The following NHS variants were observed in gnomAD, a reference collection of about 807,000 sequenced individuals.
The protein encoded by NHS is NHS actin remodeling regulator.
Under a neutral mutation model 72.5 loss-of-function variants are expected in NHS, and 5 were observed. That is an observed-to-expected ratio of 0.07 (90% confidence interval 0.04 to 0.14). The LOEUF (loss-of-function observed/expected upper bound fraction) is 0.14. Among genes scored for constraint, NHS ranks in the 10% least tolerant of loss-of-function variants. NHS has a pLI of 1.00. For synonymous variants in NHS, 464 were observed against 547.7 expected, an observed-to-expected ratio of 0.85 and a Z score of 2.13; for missense variants, 1,072 against 1,355.7, an observed-to-expected ratio of 0.79 and a Z score of 3.29.
rs1329116509 is a variant in NHS at position 17,726,252 on chromosome X, A to G, written c.2146A>G (p.Ser716Gly). Residue 716 changes from serine (S) to glycine (G), a missense_variant, in exon 7 of 9, where the codon AGC becomes GGC. Transcript: ENST00000676302. ...VADLLDDPNN[S>G]NTSDSEWNYL... ...AGACCTGCTGGATGATCCCAACAAC[A>G]GCAACACAAGTGACAGTGAGTGGAA... The G allele has an allele frequency of 2.5e-6, 3 of 1,211,950 alleles. No individual in the cohort carries two copies. The South Asian group carries it at 5.3e-5, about 21-fold the overall frequency.
chrX:17,376,755 T>A (rs760148068), intron 1 of NHS, among the ~76,000 whole-genome samples: 33 of 112,406 alleles, frequency 2.9e-4, no homozygotes, highest in Non-Finnish European at 5.5e-4. Flanking sequence ...GCCCACACCA[T>A]GCATGTTCAG....
At chrX:17,718,021 TTAA>T (rs754447755) in intron 3 of NHS, among the ~76,000 whole-genome samples, 5 of 111,703 alleles carry the variant, frequency 4.5e-5, no homozygotes, top group Non-Finnish European at 9.4e-5. Flanking sequence ...GGTAAGTACA[TTAA>T]TAATAATAAT....
chrX:17,695,556 T>C (rs996128728), intron 3 of NHS, among the ~76,000 whole-genome samples: 1 of 111,213 alleles, frequency 9.0e-6, no homozygotes, highest in Admixed American at 9.5e-5. Context: ...GGCTGGAAGG[T>C]TGTATATCTG....
rs956952060 is a variant in NHS, at chrX:17,404,852, A to G, written c.565+28530A>G. Among the ~76,000 whole-genome samples the G allele has an allele frequency of 1.6e-4, 17 of 106,974 alleles. No individual in the cohort carries two copies. In the Admixed American group the frequency reaches 1.7e-3, roughly 11 times the overall value. 92.9% of individuals were successfully genotyped at this position (106,974 alleles called of 115,157 possible). A position where few individuals can be genotyped will look rare whatever the true frequency, so the allele number is the denominator to read the frequency against. On this transcript the variant is annotated intron_variant, in intron 1 of 8. Transcript: ENST00000676302. ...CTCTCCGTGGCAATTATCTCACTCT[A>G]TTGCAATTACCTGCTCATTTTTGTG...
chrX:17,600,271 T>TGAGACAGAGA (rs1009991446), intron 1 of NHS, among the ~76,000 whole-genome samples: 5 of 102,272 alleles, frequency 4.9e-5, no homozygotes, highest in Non-Finnish European at 1.0e-4. Context: ...GCAAGGCAGC[T>TGAGACAGAGA]GAGACAGAGA....
At chrX:17,422,409 C>A (rs186355571) in intron 1 of NHS, among the ~76,000 whole-genome samples, 2 of 111,119 alleles carry the variant, frequency 1.8e-5, no homozygotes, top group East Asian at 5.7e-4. Context: ...ATGATTCAAT[C>A]CATCAATCTA....
chrX:17,400,511 G>A (rs147148526), intron 1 of NHS, among the ~76,000 whole-genome samples: 3,041 of 110,316 alleles, frequency 0.028, 110 homozygotes, highest in African/African-American at 0.096. Flanking sequence ...ACTTGAACCC[G>A]GGAAGCAGAG....
chrX:17,387,538 A>G (rs987067120), intron 1 of NHS, among the ~76,000 whole-genome samples: 6 of 111,996 alleles, frequency 5.4e-5, no homozygotes, highest in African/African-American at 1.9e-4. Flanking sequence ...TTTAAGGTAC[A>G]TGGATGTCCT....
chrX:17,619,048 G>A (rs1457637621), intron 1 of NHS, among the ~76,000 whole-genome samples: 2 of 112,443 alleles, frequency 1.8e-5, no homozygotes, highest in African/African-American at 3.2e-5. Flanking sequence ...CACACAGAGA[G>A]ACTACATTTC....
intron 1 of NHS, among the ~76,000 whole-genome samples, chrX:17,446,892 A>G (rs1283593143): frequency 8.9e-6 from 1 of 112,055 alleles, no homozygotes. Flanking sequence ...CCCTTTAATT[A>G]TTGCAGAGTT....
At chrX:17,654,394 G>A (rs758597968) in intron 1 of NHS, among the ~76,000 whole-genome samples, 56 of 112,402 alleles carry the variant, frequency 5.0e-4, no homozygotes, top group African/African-American at 1.7e-3. Flanking sequence ...ATTCTCTGTC[G>A]TTGCCAGCAG....
intron 1 of NHS, among the ~76,000 whole-genome samples, chrX:17,433,538 G>C (rs2079968333): frequency 9.0e-6 from 1 of 110,740 alleles, no homozygotes; most frequent in African/African-American, 3.3e-5. Context: ...CAACAGATCA[G>C]AGCAGAGTTA....
At chrX:17,516,023 G>A (rs1345897699) in intron 1 of NHS, among the ~76,000 whole-genome samples, 1 of 105,984 alleles carries the variant, frequency 9.4e-6, no homozygotes, top group Admixed American at 1.0e-4. Context: ...AGTTTTCTAG[G>A]AGACAAACTG....
At chrX:17,706,293 C>T (rs930742752) in intron 3 of NHS, among the ~76,000 whole-genome samples, 9 of 111,388 alleles carry the variant, frequency 8.1e-5, no homozygotes, top group Non-Finnish European at 1.3e-4. Flanking sequence ...AGGAAAAAGG[C>T]ATCAATGGGA....
intron 1 of NHS, among the ~76,000 whole-genome samples, chrX:17,377,741 A>G (rs1171864714): frequency 8.8e-6 from 1 of 113,525 alleles, no homozygotes; most frequent in African/African-American, 3.2e-5. Flanking sequence ...AGCGTAATGA[A>G]TAAATGATGT....
intron 1 of NHS, among the ~76,000 whole-genome samples, chrX:17,415,483 C>T (rs1461732564): frequency 9.0e-6 from 1 of 111,131 alleles, no homozygotes; most frequent in African/African-American, 3.3e-5. Context: ...AAATAGCCAG[C>T]CTTGAATTCA....
At chrX:17,556,393 A>G (rs1038798294) in intron 1 of NHS, among the ~76,000 whole-genome samples, 2 of 113,082 alleles carry the variant, frequency 1.8e-5, no homozygotes, top group Non-Finnish European at 3.7e-5. Context: ...GCAAATGGCC[A>G]TGCCAGGAGG....
intron 1 of NHS, among the ~76,000 whole-genome samples, chrX:17,547,919 G>A: frequency 8.9e-6 from 1 of 111,831 alleles, no homozygotes; most frequent in East Asian, 2.8e-4. Flanking sequence ...GTGGTCTTGT[G>A]CCTTCCAGGA....
Position 17,421,857 on chromosome X carries a change from G to T in NHS, c.565+45535G>T, listed in dbSNP as rs185891842. On this transcript the variant is annotated intron_variant, in intron 1 of 8. Coordinates refer to ENST00000676302, the MANE Select transcript of NHS (RefSeq NM_001291867.2). ...TTCCCAAAGTGCTAGGATTACAGGC[G>T]TGAGCCACCGCGCCCGGCCTCTACT... Among the ~76,000 whole-genome samples the T allele has an allele frequency of 1.4e-3, 161 of 112,211 alleles. 1 individual carries two copies. Among genetic ancestry groups the T allele is most frequent in the African/African-American group, 4.9e-3 (152 of 30,938 alleles).
Sources: allele counts gnomAD v4.1 joint callset (sites outside exome capture counted in the v4.1 genomes callset), GRCh38; gene constraint gnomAD v4.1.1; transcripts MANE v1.5; gene names NCBI Gene and HGNC (gene_info 2026-07-23, HGNC 2026-07-21).